The following CACNA2D3 variants were observed in gnomAD, a reference collection of about 807,000 sequenced individuals.
The protein encoded by CACNA2D3 is calcium voltage-gated channel auxiliary subunit alpha2delta 3.
CACNA2D3 carries 60 observed loss-of-function variants against 160.6 expected under a neutral mutation model. The ratio of observed to expected loss-of-function variants is 0.37; its 90% CI spans 0.30 to 0.46. The LOEUF is 0.46. Among genes scored for constraint, CACNA2D3 ranks in the 20% least tolerant of loss-of-function variants. The probability of loss-of-function intolerance (pLI) is 1.00; values close to 1 mark genes in which losing one functional copy is unlikely to be tolerated. For synonymous variants in CACNA2D3, 558 were observed against 492.9 expected (o/e 1.13, Z -1.75); for missense variants, 1,205 against 1,365.0 (o/e 0.88, Z 1.85).
At chr3:54,437,172 G>T (rs1331086767) in intron 4 of CACNA2D3, among the ~76,000 whole-genome samples, 1 of 152,110 alleles carries the variant, frequency 6.6e-6, no homozygotes, top group Non-Finnish European at 1.5e-5. Flanking sequence ...TACCTAAATG[G>T]TTACATACTC....
intron 9 of CACNA2D3, among the ~76,000 whole-genome samples, chr3:54,606,204 A>G (rs1249949301): frequency 5.3e-5 from 8 of 151,804 alleles, no homozygotes; most frequent in African/African-American, 4.8e-5. Flanking sequence ...CATTCCTCCT[A>G]TTGGCTTCTT....
At position 54,763,825 on chromosome 3, in the gene CACNA2D3, GTATATATA is replaced by G. The variant is rs1217744897; in HGVS notation, c.1247-391_1247-384del. ...TACATATATATACATATATATATAC[GTATATATA>G]TGTATATATATGTACATATATATAC... On this transcript the variant is annotated intron_variant, in intron 12 of 37. Transcript: ENST00000474759. 8.9e-4 allele frequency among the ~76,000 whole-genome samples: 52 copies of G among 58,316 alleles called. 23 individuals carry two copies. 38.3% of individuals were successfully genotyped at this position (58,316 alleles called of 152,430 possible). A position where few individuals can be genotyped will look rare whatever the true frequency, so the allele number is the denominator to read the frequency against.
At chr3:54,797,455 A>G (rs976815914) in intron 13 of CACNA2D3, among the ~76,000 whole-genome samples, 1 of 152,134 alleles carries the variant, frequency 6.6e-6, no homozygotes, top group African/African-American at 2.4e-5. Flanking sequence ...CTCTACACAA[A>G]GCCACTATTT....
chr3:54,856,130 T>C (rs1335048068), intron 17 of CACNA2D3, among the ~76,000 whole-genome samples: 2 of 152,174 alleles, frequency 1.3e-5, no homozygotes, highest in Non-Finnish European at 2.9e-5. Flanking sequence ...ATCCAGGGCC[T>C]GGTGAGGTAC....
Position 54,251,364 on chromosome 3 carries a change from T to TAA in CACNA2D3, c.205-69076_205-69075dup, listed in dbSNP as rs573770107. 5.1e-3 allele frequency among the ~76,000 whole-genome samples: 782 copies of TAA among 152,314 alleles called. 7 individuals are homozygous for TAA. The highest frequency in any genetic ancestry group is 8.3e-3 in the Non-Finnish European group (566 of 68,032). Reference sequence around the variant, plus strand: ...TGCAGGGCATCTCTAACTCTTTTATTAAAGTCTATGTATTTGTATTTTAAA... The same window carrying TAA: ...TGCAGGGCATCTCTAACTCTTTTATTAAAAAGTCTATGTATTTGTATTTTAAA... On this transcript the variant is annotated intron_variant, in intron 2 of 37. Transcript: ENST00000474759.
At chr3:54,505,803 G>T (rs887100293) in intron 5 of CACNA2D3, among the ~76,000 whole-genome samples, 11 of 152,176 alleles carry the variant, frequency 7.2e-5, no homozygotes, top group African/African-American at 2.7e-4. Flanking sequence ...TAGCTTTAAA[G>T]GCATAATTGT....
At chr3:55,020,631 C>G (rs1007918624) in intron 35 of CACNA2D3, among the ~76,000 whole-genome samples, 4 of 151,876 alleles carry the variant, frequency 2.6e-5, no homozygotes, top group Admixed American at 6.6e-5. Context: ...GGGTGTATCA[C>G]CTGAGGTCAG....
At chr3:55,068,159 A>C (rs1310832675) in intron 35 of CACNA2D3, among the ~76,000 whole-genome samples, 2 of 152,228 alleles carry the variant, frequency 1.3e-5, no homozygotes, top group East Asian at 3.9e-4. Flanking sequence ...GCCAGCACAC[A>C]CTTGCCTTAT....
rs1189996571 is a variant in CACNA2D3, at chr3:54,493,038, ATGTG to A, written c.382-10453_382-10450del. Among the ~76,000 whole-genome samples, 4 of 134,036 alleles carry A rather than the reference ATGTG, an allele frequency of 3.0e-5. No homozygotes were observed. The East Asian group carries it at 8.7e-4, about 29-fold the overall frequency. 87.9% of individuals were successfully genotyped at this position (134,036 alleles called of 152,430 possible). ...ATGAGTTATAAATAAATAAATATGT[ATGTG>A]GGAGGTATTGCTCAAAACTTTTTTT... On this transcript the variant is annotated intron_variant, in intron 4 of 37. Coordinates refer to ENST00000474759, the MANE Select transcript of CACNA2D3 (RefSeq NM_018398.3).
At chr3:54,779,991 G>A (rs926133691) in intron 13 of CACNA2D3, among the ~76,000 whole-genome samples, 101 of 152,214 alleles carry the variant, frequency 6.6e-4, no homozygotes, top group African/African-American at 2.4e-3. Flanking sequence ...GAGAGGCCAA[G>A]TGGCTTGCTC....
At chr3:54,189,609 C>T (rs1057457437) in intron 2 of CACNA2D3, among the ~76,000 whole-genome samples, 2 of 152,056 alleles carry the variant, frequency 1.3e-5, no homozygotes, top group Non-Finnish European at 1.5e-5. Flanking sequence ...CTTCTCGGGA[C>T]GTAGGATTGG....
At chr3:55,039,272 A>G (rs1422216735) in intron 35 of CACNA2D3, among the ~76,000 whole-genome samples, 1 of 152,118 alleles carries the variant, frequency 6.6e-6, no homozygotes, top group Non-Finnish European at 1.5e-5. Flanking sequence ...CTGCAGCACT[A>G]TGCTATTCTC....
At chr3:54,312,083 G>T (rs1326385222) in intron 2 of CACNA2D3, among the ~76,000 whole-genome samples, 1 of 152,188 alleles carries the variant, frequency 6.6e-6, no homozygotes, top group Non-Finnish European at 1.5e-5. Flanking sequence ...TGGGGGATCT[G>T]AATTAGAGGA....
At chr3:54,676,717 C>T (rs572820310) in intron 11 of CACNA2D3, among the ~76,000 whole-genome samples, 4 of 152,158 alleles carry the variant, frequency 2.6e-5, no homozygotes, top group South Asian at 4.2e-4. Context: ...TGGGGAAGGT[C>T]GGAGGTGCAC....
intron 27 of CACNA2D3, among the ~76,000 whole-genome samples, chr3:54,948,179 C>G (rs1701663759): frequency 6.6e-6 from 1 of 152,134 alleles, no homozygotes; most frequent in South Asian, 2.1e-4. Context: ...CTCACTTTCC[C>G]CTGGTTGTCT....
intron 5 of CACNA2D3, among the ~76,000 whole-genome samples, chr3:54,525,060 A>G (rs2107000878): frequency 6.6e-6 from 1 of 152,274 alleles, no homozygotes; most frequent in South Asian, 2.1e-4. Flanking sequence ...ATAGTATACT[A>G]AAGAAAGATG....
chr3:54,995,843 C>T (rs1702845014), intron 31 of CACNA2D3, among the ~76,000 whole-genome samples: 1 of 152,126 alleles, frequency 6.6e-6, no homozygotes, highest in Admixed American at 6.5e-5. Context: ...CTATATGAGT[C>T]CTCTGGCTTC....
At chr3:54,853,705 TCCTTAGAGGAAGGGTGC>T (rs1699108590) in intron 17 of CACNA2D3, among the ~76,000 whole-genome samples, 1 of 152,198 alleles carries the variant, frequency 6.6e-6, no homozygotes, top group Non-Finnish European at 1.5e-5. Flanking sequence ...TCTCTGCTTT[TCCTTAGAGGAAGGGTGC>T]CCTGAGATGC....
intron 2 of CACNA2D3, among the ~76,000 whole-genome samples, chr3:54,216,097 A>G (rs1204997029): frequency 6.6e-6 from 1 of 151,652 alleles, no homozygotes; most frequent in Admixed American, 6.6e-5. Context: ...CTGTGTTCCT[A>G]TGTATCCTCT....
Sources: allele counts gnomAD v4.1 joint callset (sites outside exome capture counted in the v4.1 genomes callset), GRCh38; gene constraint gnomAD v4.1.1; transcripts MANE v1.5; gene names NCBI Gene and HGNC (gene_info 2026-07-23, HGNC 2026-07-21).